Variants in GABRG3 observed in about 807,000 individuals in gnomAD.
GABRG3 encodes the protein gamma-aminobutyric acid receptor subunit gamma-3.
A neutral mutation model predicts 48.8 loss-of-function variants in GABRG3; 25 were observed. The ratio of observed to expected loss-of-function variants is 0.51; its 90% CI spans 0.37 to 0.72. The LOEUF (loss-of-function observed/expected upper bound fraction) is 0.72. GABRG3 is among the 30% of genes least tolerant of loss of function. The pLI is 0.00. For synonymous variants in GABRG3, 227 were observed against 217.6 expected, an observed-to-expected ratio of 1.04 and a Z score of -0.38; for missense variants, 394 against 577.9, an observed-to-expected ratio of 0.68 and a Z score of 3.26.
Position 27,536,427 on chromosome 15 carries a change from C to A in GABRG3, c.*3546C>A, listed in dbSNP as rs1361654840. ...CACATCTTTTAAGATTTTCCATTTCCTGCAGTTAGCTATATTTCATGCCAA... is the reference window on the plus strand; with the variant it reads ...CACATCTTTTAAGATTTTCCATTTCATGCAGTTAGCTATATTTCATGCCAA... On this transcript the variant is annotated 3_prime_UTR_variant, in exon 10 of 10. Coordinates refer to ENST00000615808, the MANE Select transcript of GABRG3 (RefSeq NM_033223.5). The A allele has an allele frequency of 6.6e-6, 1 of 152,144 alleles. No individual in the cohort carries two copies. The highest frequency in any genetic ancestry group is 2.4e-5 in the African/African-American group (1 of 41,428). The allele number at this position is 152,144 out of a possible 1,614,324, so 9.4% of individuals were successfully genotyped here. A position where few individuals can be genotyped will look rare whatever the true frequency, so the allele number is the denominator to read the frequency against.
chr15:27,490,900 A>AC (rs781021750), intron 6 of GABRG3, among the ~76,000 whole-genome samples: 62 of 38,168 alleles, frequency 1.6e-3, no homozygotes, highest in South Asian at 4.0e-3. Context: ...CCCCACCACC[A>AC]CCCCCCCTTC....
At chr15:27,149,025 T>TTAAAAATAAA (rs1206255956) in intron 3 of GABRG3, among the ~76,000 whole-genome samples, 3 of 152,078 alleles carry the variant, frequency 2.0e-5, no homozygotes, top group Admixed American at 6.6e-5. Flanking sequence ...ATTAAAATGA[T>TTAAAAATAAA]AAAAGTCGTA....
intron 3 of GABRG3, among the ~76,000 whole-genome samples, chr15:27,285,572 T>C (rs898879146): frequency 5.3e-5 from 8 of 152,130 alleles, no homozygotes; most frequent in Non-Finnish European, 8.8e-5. Context: ...AAAATAAATA[T>C]AGTAGTTATT....
In GABRG3 at chr15:27,536,048, C is replaced by G. The variant is rs181957774; in HGVS notation, c.*3167C>G. On this transcript the variant is annotated 3_prime_UTR_variant, in exon 10 of 10. Transcript: ENST00000615808. Reference sequence around the variant, plus strand: ...AAGGTGCTACTGTGTTCCTCACTTTCAGAAATACTCTAAGTTGAGGAGATG... The same window carrying G: ...AAGGTGCTACTGTGTTCCTCACTTTGAGAAATACTCTAAGTTGAGGAGATG... The G allele has an allele frequency of 6.6e-6, 1 of 152,290 alleles. No homozygotes were observed. Among genetic ancestry groups the G allele is most frequent in the East Asian group, 1.9e-4 (1 of 5,180 alleles). 9.4% of individuals were successfully genotyped at this position (152,290 alleles called of 1,614,324 possible).
intron 5 of GABRG3, among the ~76,000 whole-genome samples, chr15:27,432,674 T>A (rs1174165371): frequency 2.6e-5 from 4 of 152,214 alleles, no homozygotes; most frequent in Non-Finnish European, 5.9e-5. Context: ...TCTTTAGCAA[T>A]CTGGATGTGC....
chr15:27,455,814 G>A (rs1049086024), intron 5 of GABRG3, among the ~76,000 whole-genome samples: 46 of 114,306 alleles, frequency 4.0e-4, no homozygotes, highest in Admixed American at 7.3e-4. Flanking sequence ...TATGTATGCC[G>A]TAGGTGGTTT....
chr15:27,172,535 C>A (rs1257644521), intron 3 of GABRG3, among the ~76,000 whole-genome samples: 1 of 152,156 alleles, frequency 6.6e-6, no homozygotes, highest in Admixed American at 6.5e-5. Context: ...AAATTAAACT[C>A]CTCTGCGACA....
intron 5 of GABRG3, among the ~76,000 whole-genome samples, chr15:27,470,318 G>A (rs1378906765): frequency 2.0e-5 from 3 of 151,360 alleles, no homozygotes; most frequent in Non-Finnish European, 4.4e-5. Context: ...CCGCCTCCTG[G>A]GTTCAAGCAG....
chr15:27,216,375 T>C (rs983160790), intron 3 of GABRG3, among the ~76,000 whole-genome samples: 1 of 152,132 alleles, frequency 6.6e-6, no homozygotes, highest in African/African-American at 2.4e-5. Context: ...GGCAGCTAGC[T>C]CAGCCCAGCA....
intron 5 of GABRG3, among the ~76,000 whole-genome samples, chr15:27,331,377 G>A (rs1378117073): frequency 1.3e-5 from 2 of 152,028 alleles, no homozygotes; most frequent in East Asian, 1.9e-4. Flanking sequence ...AACAAACCAC[G>A]GCATATTCAT....
intron 3 of GABRG3, among the ~76,000 whole-genome samples, chr15:27,112,830 C>T (rs1427252538): frequency 6.6e-6 from 1 of 152,142 alleles, no homozygotes; most frequent in East Asian, 1.9e-4. Flanking sequence ...CCCTTATGAG[C>T]GATTAACTTG....
At chr15:27,320,342 C>A (rs539986557) in intron 3 of GABRG3, among the ~76,000 whole-genome samples, 5 of 152,028 alleles carry the variant, frequency 3.3e-5, no homozygotes, top group Admixed American at 6.6e-5. Context: ...TGGGGCATGG[C>A]GACTTCTGTC....
chr15:27,177,142 CAGG>C (rs1887772614), intron 3 of GABRG3, among the ~76,000 whole-genome samples: 1 of 152,050 alleles, frequency 6.6e-6, no homozygotes. Flanking sequence ...GATGAAGTCA[CAGG>C]AGTGGCAACA....
chr15:27,079,107 G>A (rs1198814233), intron 3 of GABRG3, among the ~76,000 whole-genome samples: 1 of 152,108 alleles, frequency 6.6e-6, no homozygotes, highest in African/African-American at 2.4e-5. Flanking sequence ...CCCAGACCCT[G>A]CAGAGAGAGC....
intron 2 of GABRG3, among the ~76,000 whole-genome samples, chr15:27,026,335 A>G (rs552260584): frequency 6.6e-6 from 1 of 152,322 alleles, no homozygotes; most frequent in South Asian, 2.1e-4. Flanking sequence ...ATAACCCAAC[A>G]ACGTCACTGA....
chr15:27,266,001 C>G (rs967439759), intron 3 of GABRG3, among the ~76,000 whole-genome samples: 1 of 151,636 alleles, frequency 6.6e-6, no homozygotes, highest in African/African-American at 2.4e-5. Context: ...CTGCCTCAGC[C>G]TCTCAAGTAG....
intron 3 of GABRG3, among the ~76,000 whole-genome samples, chr15:27,099,363 T>C (rs961193050): frequency 1.3e-5 from 2 of 152,128 alleles, no homozygotes; most frequent in Non-Finnish European, 1.5e-5. Context: ...ATCATCAGGT[T>C]TGGTGTCTTC....
intron 2 of GABRG3, among the ~76,000 whole-genome samples, chr15:27,002,826 CTGG>C (rs1895479251): frequency 6.6e-6 from 1 of 150,616 alleles, no homozygotes; most frequent in African/African-American, 2.4e-5. Flanking sequence ...ATAGCTAGAT[CTGG>C]TGGTGTGTGC....
rs550579610 is a variant in GABRG3 at position 27,128,371 on chromosome 15, G to T, written c.270+101550G>T. On this transcript the variant is annotated intron_variant, in intron 3 of 9. Transcript: ENST00000615808. The stretch of plus-strand genomic sequence containing the variant: ...CTCCCTTCATGCATGATCAACCCAT[G>T]AGTCAGTGCTTTAAGACTTATCTCA... Among the ~76,000 whole-genome samples the T allele has an allele frequency of 3.0e-3, 457 of 152,284 alleles. 1 individual carries two copies. The highest frequency in any genetic ancestry group is 0.011 in the African/African-American group (442 of 41,552).
Sources: gnomAD v4.1 joint callset for allele counts (sites outside exome capture counted in the v4.1 genomes callset) on GRCh38, gnomAD v4.1.1 for gene constraint, MANE v1.5 for transcripts, NCBI Gene and HGNC (gene_info 2026-07-23, HGNC 2026-07-21) for gene names.